DYNC1I1: variants seen among roughly 807,000 people sequenced by gnomAD.
DYNC1I1 encodes cytoplasmic dynein 1 intermediate chain 1.
Under a neutral mutation model 86.6 loss-of-function variants are expected in DYNC1I1, and 43 were observed. The ratio of observed to expected loss-of-function variants is 0.50; its 90% CI spans 0.39 to 0.64. The LOEUF (loss-of-function observed/expected upper bound fraction) is 0.64. Ranked by LOEUF, DYNC1I1 falls within the 30% of genes least tolerant of loss-of-function variation. The pLI, the probability that DYNC1I1 is intolerant of heterozygous loss-of-function variation, is 0.00. For missense variants in DYNC1I1, 604 were observed against 788.8 expected, an observed-to-expected ratio of 0.77 and a Z score of 2.81; for synonymous variants, 262 against 283.7, an observed-to-expected ratio of 0.92 and a Z score of 0.77.
intron 6 of DYNC1I1, among the ~76,000 whole-genome samples, chr7:95,896,904 A>G (rs1790896112): frequency 6.6e-6 from 1 of 152,238 alleles, no homozygotes; most frequent in Non-Finnish European, 1.5e-5. Context: ...TAAAACCCCA[A>G]ATATGTCAAA....
chr7:96,047,690 G>T (rs556616463), intron 14 of DYNC1I1, among the ~76,000 whole-genome samples: 2 of 152,006 alleles, frequency 1.3e-5, no homozygotes, highest in Non-Finnish European at 2.9e-5. Flanking sequence ...ATAGAGAGGC[G>T]ACTAGCAGGG....
chr7:95,962,248 C>T (rs1251378735), intron 6 of DYNC1I1, among the ~76,000 whole-genome samples: 1 of 152,208 alleles, frequency 6.6e-6, no homozygotes, highest in Non-Finnish European at 1.5e-5. Flanking sequence ...ACTGCCCATT[C>T]TGATGACCCA....
intron 16 of DYNC1I1, among the ~76,000 whole-genome samples, chr7:96,106,461 A>G (rs1479318197): frequency 6.6e-6 from 1 of 152,044 alleles, no homozygotes; most frequent in Non-Finnish European, 1.5e-5. Context: ...CTTCAACTCC[A>G]GAGGCGGAGG....
chr7:95,940,805 A>G (rs1792190239), intron 6 of DYNC1I1, among the ~76,000 whole-genome samples: 1 of 152,204 alleles, frequency 6.6e-6, no homozygotes, highest in African/African-American at 2.4e-5. Flanking sequence ...AACTTGTCAA[A>G]GTCATTCTCC....
At chr7:95,906,807 T>C (rs1389450915) in intron 6 of DYNC1I1, among the ~76,000 whole-genome samples, 1 of 152,146 alleles carries the variant, frequency 6.6e-6, no homozygotes, top group East Asian at 1.9e-4. Context: ...CCAAGAAAAT[T>C]AAATGCTTGT....
chr7:95,867,595 C>A (rs1190949569), intron 5 of DYNC1I1, among the ~76,000 whole-genome samples: 1 of 152,192 alleles, frequency 6.6e-6, no homozygotes, highest in Non-Finnish European at 1.5e-5. Flanking sequence ...TGTTGCTGGT[C>A]CCAAACGAGA....
intron 5 of DYNC1I1, among the ~76,000 whole-genome samples, chr7:95,831,696 C>A (rs1277806112): frequency 6.6e-6 from 1 of 152,008 alleles, no homozygotes; most frequent in African/African-American, 2.4e-5. Flanking sequence ...TAATAGTGAT[C>A]CTGATTGCAT....
chr7:96,010,948 A>G (rs1794261218), intron 10 of DYNC1I1, among the ~76,000 whole-genome samples: 1 of 152,208 alleles, frequency 6.6e-6, no homozygotes, highest in Non-Finnish European at 1.5e-5. Context: ...TACAGCCATT[A>G]TCTACATTTT....
chr7:96,022,673 G>C (rs2115923187), intron 10 of DYNC1I1, among the ~76,000 whole-genome samples: 1 of 151,920 alleles, frequency 6.6e-6, no homozygotes, highest in East Asian at 1.9e-4. Context: ...GACCAGCCAT[G>C]GCAACATAGC....
chr7:95,884,655 C>G (rs1386015405), intron 6 of DYNC1I1, among the ~76,000 whole-genome samples: 1 of 151,898 alleles, frequency 6.6e-6, no homozygotes, highest in African/African-American at 2.4e-5. Flanking sequence ...ACAGCTTGGC[C>G]GGGCATGGTG....
intron 7 of DYNC1I1, among the ~76,000 whole-genome samples, chr7:95,979,182 G>GT (rs916593757): frequency 2.6e-5 from 4 of 152,134 alleles, no homozygotes; most frequent in African/African-American, 4.8e-5. Context: ...GTTTTGGTTT[G>GT]TTTTTTGCAA....
At chr7:95,850,484 A>G (rs1050284734) in intron 5 of DYNC1I1, among the ~76,000 whole-genome samples, 1 of 152,036 alleles carries the variant, frequency 6.6e-6, no homozygotes, top group African/African-American at 2.4e-5. Flanking sequence ...TTGTACATTT[A>G]TAGTAGTCCT....
At chr7:95,803,612 T>C (rs1208417106) in intron 1 of DYNC1I1, among the ~76,000 whole-genome samples, 1 of 152,192 alleles carries the variant, frequency 6.6e-6, no homozygotes, top group Non-Finnish European at 1.5e-5. Flanking sequence ...AGTTGAGAAT[T>C]TTTCATTGTT....
intron 14 of DYNC1I1, among the ~76,000 whole-genome samples, chr7:96,049,305 A>G (rs1294230392): frequency 1.3e-5 from 2 of 151,594 alleles, no homozygotes; most frequent in Non-Finnish European, 2.9e-5. Flanking sequence ...TTGCAGGACT[A>G]TGGCTGAAAA....
intron 15 of DYNC1I1, among the ~76,000 whole-genome samples, chr7:96,079,454 A>C (rs1469654915): frequency 6.6e-6 from 1 of 152,216 alleles, no homozygotes; most frequent in Non-Finnish European, 1.5e-5. Context: ...ATAAACTTCT[A>C]ACCTTGAAGA....
At chr7:95,807,060 T>C (rs1794717638) in intron 2 of DYNC1I1, among the ~76,000 whole-genome samples, 1 of 152,056 alleles carries the variant, frequency 6.6e-6, no homozygotes. Flanking sequence ...TAATAGAAGA[T>C]CCCAGAGCAG....
At chr7:95,858,275 G>A (rs978660904) in intron 5 of DYNC1I1, among the ~76,000 whole-genome samples, 1 of 152,138 alleles carries the variant, frequency 6.6e-6, no homozygotes, top group Non-Finnish European at 1.5e-5. Flanking sequence ...AACATTAGCA[G>A]TGGATTTTGT....
At chr7:95,798,526 G>T (rs561752536) in intron 1 of DYNC1I1, among the ~76,000 whole-genome samples, 1 of 152,216 alleles carries the variant, frequency 6.6e-6, no homozygotes, top group Non-Finnish European at 1.5e-5. Flanking sequence ...ATAGTGAAGA[G>T]CTGACAAGAG....
intron 7 of DYNC1I1, among the ~76,000 whole-genome samples, chr7:95,981,588 A>C (rs960386837): frequency 6.6e-6 from 1 of 152,102 alleles, no homozygotes; most frequent in Non-Finnish European, 1.5e-5. Flanking sequence ...TTTGGATTAC[A>C]TGTAAGTTAC....
Sources: allele counts gnomAD v4.1 joint callset (sites outside exome capture counted in the v4.1 genomes callset), GRCh38; gene constraint gnomAD v4.1.1; transcripts MANE v1.5; gene names NCBI Gene and HGNC (gene_info 2026-07-23, HGNC 2026-07-21).